Variants in ACTL6A observed in about 807,000 individuals in gnomAD.
The protein encoded by ACTL6A is actin-like protein 6A.
In ACTL6A, 5 loss-of-function variants were observed where a neutral mutation model predicts 59.2. The ratio of observed to expected loss-of-function variants is 0.08; its 90% CI spans 0.04 to 0.18. The LOEUF is 0.18. Ranked by LOEUF, ACTL6A falls within the 10% of genes least tolerant of loss-of-function variation. ACTL6A has a pLI of 1.00. For missense variants in ACTL6A, 285 were observed against 526.9 expected, an observed-to-expected ratio of 0.54 and a Z score of 4.49; for synonymous variants, 154 against 171.8, an observed-to-expected ratio of 0.90 and a Z score of 0.81.
chr3:179,569,271 T>A (rs1336039360), intron 1 of ACTL6A, among the ~76,000 whole-genome samples: 1 of 152,224 alleles, frequency 6.6e-6, no homozygotes, highest in East Asian at 1.9e-4. Context: ...AACAGTTATT[T>A]CTTCTTGTTT....
At chr3:179,564,401 G>T (rs1349430570) in intron 1 of ACTL6A, among the ~76,000 whole-genome samples, 8 of 152,076 alleles carry the variant, frequency 5.3e-5, no homozygotes. Context: ...CCTCAAAAAA[G>T]ACAAAAGCCT....
At chr3:179,566,675 CTTTTTG>C (rs1267240097) in intron 1 of ACTL6A, among the ~76,000 whole-genome samples, 2 of 152,092 alleles carry the variant, frequency 1.3e-5, no homozygotes, top group Non-Finnish European at 2.9e-5. Context: ...TGAATTTTCT[CTTTTTG>C]TTGTTGTTGT....
intron 4 of ACTL6A, 125 bp from the exon 5 acceptor site, chr3:179,574,245 C>T (rs957924577): frequency 1.7e-5 from 8 of 482,402 alleles, no homozygotes; most frequent in Non-Finnish European, 2.6e-5. Context: ...AAGATGATTT[C>T]CCATGGTATT....
chr3:179,562,946 G>A lies in ACTL6A; in HGVS notation c.-147G>A, dbSNP rs1273832705. The A allele has an allele frequency of 5.0e-6, 5 of 994,094 alleles. No homozygotes were observed. The highest frequency in any genetic ancestry group is 2.6e-5 in the East Asian group (1 of 38,432). The allele number at this position is 994,094 out of a possible 1,614,324, so 61.6% of individuals were successfully genotyped here. ...CCAGCAAGTGTGGCTGAGCTCCGGG[G>A]TGTGTGGACGCCGCTTTGTTGCCTG... On this transcript the variant is annotated 5_prime_UTR_variant, in exon 1 of 14. In the 5' UTR this introduces an upstream ATG that the reference lacks. Transcript: ENST00000429709.
In ACTL6A at chr3:179,583,440, A is replaced by G; in HGVS notation, c.1114A>G (p.Thr372Ala). The G allele has an allele frequency of 1.2e-6, 2 of 1,608,276 alleles. No homozygotes were observed. The highest frequency in any genetic ancestry group is 1.7e-6 in the Non-Finnish European group (2 of 1,176,494). The change falls in exon 12 of 14, where the codon ACT (threonine) becomes GCT (alanine). Residue 372 changes from threonine (T) to alanine (A), a missense_variant. Physicochemically the swap from Thr to Ala is moderately conservative, Grantham distance 58. Coordinates refer to ENST00000429709, the MANE Select transcript of ACTL6A (RefSeq NM_004301.5). Reference protein sequence around the residue: ...DRLNRELSQKTPPSMRLKLIA... With the variant: ...DRLNRELSQKAPPSMRLKLIA... ...GTTGAATAGAGAGCTGTCTCAGAAA[A>G]CTCCTCCAGTAAGTTCTGTTTGTTC...
At chr3:179,566,928 A>G (rs1717854507) in intron 1 of ACTL6A, among the ~76,000 whole-genome samples, 1 of 151,724 alleles carries the variant, frequency 6.6e-6, no homozygotes, top group East Asian at 1.9e-4. Context: ...TGACCTCGTA[A>G]TCTGCCCGCC....
intron 8 of ACTL6A, among the ~76,000 whole-genome samples, chr3:179,577,838 A>G (rs1234256906): frequency 6.7e-6 from 1 of 148,576 alleles, no homozygotes; most frequent in Non-Finnish European, 1.5e-5. Context: ...TTTTCACTAC[A>G]TAATATTCTG....
Position 179,578,802 on chromosome 3 carries a change from G to A in ACTL6A, c.769-1838G>A, listed in dbSNP as rs139892137. Among the ~76,000 whole-genome samples the A allele has an allele frequency of 5.8e-3, 878 of 152,264 alleles. 10 individuals are homozygous for A. Among genetic ancestry groups the A allele is most frequent in the African/African-American group, 0.02 (848 of 41,548 alleles). ...TTTTTTCAAGACAGAGTCTTGCTTT[G>A]TCACCCAGGCTGGAGCGCAGTGGTG... On this transcript the variant is annotated intron_variant, in intron 8 of 13. Coordinates refer to ENST00000429709, the MANE Select transcript of ACTL6A (RefSeq NM_004301.5).
At chr3:179,587,135 A>T (rs2108373853) in intron 13 of ACTL6A, among the ~76,000 whole-genome samples, 1 of 152,274 alleles carries the variant, frequency 6.6e-6, no homozygotes, top group Middle Eastern at 3.4e-3. Flanking sequence ...TCCTGGACTT[A>T]GAGCATTTCT....
At chr3:179,563,652 C>T (rs1717741266) in intron 1 of ACTL6A, among the ~76,000 whole-genome samples, 2 of 152,244 alleles carry the variant, frequency 1.3e-5, no homozygotes, top group African/African-American at 4.8e-5. Context: ...GTACTGCCTC[C>T]TCCCCGTCTG....
intron 4 of ACTL6A, among the ~76,000 whole-genome samples, chr3:179,574,085 A>G (rs1718094782): frequency 6.6e-6 from 1 of 152,192 alleles, no homozygotes; most frequent in African/African-American, 2.4e-5. Flanking sequence ...ATATGTTTAT[A>G]AGAATCCTGG....
chr3:179,581,187 A>C lies in ACTL6A; in HGVS notation c.993A>C (p.Thr331=), dbSNP rs146107398. The C allele has an allele frequency of 1.2e-6, 2 of 1,614,000 alleles. No individual in the cohort carries two copies. Among genetic ancestry groups the C allele is most frequent in the Non-Finnish European group, 1.7e-6 (2 of 1,179,900 alleles). The change falls in exon 11 of 14, where the codon ACA becomes ACC. Residue 331 remains threonine, a synonymous_variant. Transcript: ENST00000429709. The stretch of plus-strand genomic sequence containing the variant: ...TAGGAGTCAGTCATGTTGTCACCAC[A>C]AGTGTTGGGATGTGTGATATTGACA... ...TMLGVSHVVT[T]SVGMCDIDIR...
chr3:179,581,405 T>C (rs1036022937), intron 11 of ACTL6A, among the ~76,000 whole-genome samples, 185 bp downstream of exon 11: 3 of 152,234 alleles, frequency 2.0e-5, no homozygotes, highest in Non-Finnish European at 4.4e-5. Flanking sequence ...TCTAGAGCTA[T>C]GGTGTCCAGT....
At chr3:179,569,699 C>A (rs1717944681) in intron 1 of ACTL6A, 125 bp from the exon 2 acceptor site, 1 of 790,912 alleles carries the variant, frequency 1.3e-6, no homozygotes, top group African/African-American at 1.7e-5. Flanking sequence ...CATTGTAGTC[C>A]CAGCTATTTG....
At chr3:179,574,537 A>G in intron 5 of ACTL6A, 70 bp downstream of exon 5, 4 of 1,106,314 alleles carry the variant, frequency 3.6e-6, no homozygotes, top group Non-Finnish European at 5.5e-6. Flanking sequence ...TAACTCTGGG[A>G]GAAGACATAC....
chr3:179,562,953 G>C lies in ACTL6A; in HGVS notation c.-140G>C, dbSNP rs1316209802. 2 of 1,131,812 alleles carry C rather than the reference G, an allele frequency of 1.8e-6. No homozygotes were observed. Among genetic ancestry groups the C allele is most frequent in the Non-Finnish European group, 2.6e-6 (2 of 777,146 alleles). The allele number at this position is 1,131,812 out of a possible 1,614,324, so 70.1% of individuals were successfully genotyped here. A position where few individuals can be genotyped will look rare whatever the true frequency, so the allele number is the denominator to read the frequency against. The stretch of plus-strand genomic sequence containing the variant: ...GTGTGGCTGAGCTCCGGGGTGTGTG[G>C]ACGCCGCTTTGTTGCCTGAGGTGGG... On this transcript the variant is annotated 5_prime_UTR_variant, in exon 1 of 14. Coordinates refer to ENST00000429709, the MANE Select transcript of ACTL6A (RefSeq NM_004301.5).
In ACTL6A at chr3:179,583,493, T is replaced by C. The variant is rs548327192; in HGVS notation, c.1122+45T>C. 6.2e-6 allele frequency: 9 copies of C among 1,458,724 alleles called. No individual in the cohort carries two copies. In the African/African-American group the frequency reaches 1.3e-4, roughly 20 times the overall value. The allele number at this position is 1,458,724 out of a possible 1,614,324, so 90.4% of individuals were successfully genotyped here. A position where few individuals can be genotyped will look rare whatever the true frequency, so the allele number is the denominator to read the frequency against. On this transcript the variant is annotated intron_variant, in intron 12 of 13. Transcript: ENST00000429709. The stretch of plus-strand genomic sequence containing the variant: ...TAATGGTATTCTTCAGTCATATATT[T>C]CCTCACTGATGGTGTAATTTTGTAG...
intron 13 of ACTL6A, among the ~76,000 whole-genome samples, 192 bp from the exon 14 acceptor site, chr3:179,587,738 A>G (rs1262390317): frequency 6.6e-6 from 1 of 152,060 alleles, no homozygotes; most frequent in Non-Finnish European, 1.5e-5. Context: ...GCAAGGTGGC[A>G]TGCCCCTGGA....
At position 179,582,560 on chromosome 3, in the gene ACTL6A, C is replaced by T. The variant is rs978886859; in HGVS notation, c.1027-793C>T. On this transcript the variant is annotated intron_variant, in intron 11 of 13. Transcript: ENST00000429709. Reference sequence around the variant, plus strand: ...GAATATGTTCAGAGTTTATCATTGTCTGTCATAATCATAAAATAATTGTCT... The same window carrying T: ...GAATATGTTCAGAGTTTATCATTGTTTGTCATAATCATAAAATAATTGTCT... 2.0e-5 allele frequency among the ~76,000 whole-genome samples: 3 copies of T among 152,152 alleles called. No homozygotes were observed. In the South Asian group the frequency reaches 6.2e-4, roughly 32 times the overall value.
Sources: allele counts gnomAD v4.1 joint callset (sites outside exome capture counted in the v4.1 genomes callset), GRCh38; gene constraint gnomAD v4.1.1; transcripts MANE v1.5; gene names NCBI Gene and HGNC (gene_info 2026-07-23, HGNC 2026-07-21).